PAFAH1B1: variants seen among roughly 807,000 people sequenced by gnomAD.
PAFAH1B1 encodes platelet-activating factor acetylhydrolase IB subunit beta.
Under a neutral mutation model 57.5 loss-of-function variants are expected in PAFAH1B1, and 2 were observed. That is an observed-to-expected ratio of 0.03 (90% CI 0.01 to 0.11). The LOEUF (loss-of-function observed/expected upper bound fraction) is 0.11. PAFAH1B1 is among the 10% of genes least tolerant of loss of function. The pLI, the probability that PAFAH1B1 is intolerant of heterozygous loss-of-function variation, is 1.00. For missense variants in PAFAH1B1, 257 were observed against 512.0 expected, an observed-to-expected ratio of 0.50 and a Z score of 4.81; for synonymous variants, 152 against 169.6, an observed-to-expected ratio of 0.90 and a Z score of 0.81.
intron 1 of PAFAH1B1, among the ~76,000 whole-genome samples, chr17:2,626,616 G>A (rs906449635): frequency 9.4e-5 from 13 of 138,430 alleles, no homozygotes; most frequent in Non-Finnish European, 1.2e-4. Flanking sequence ...GTGCAGTGGC[G>A]CGATCTTGGC....
At chr17:2,680,732 A>G (rs1034729433) in intron 10 of PAFAH1B1, 5 of 278,072 alleles carry the variant, frequency 1.8e-5, no homozygotes, top group Admixed American at 5.1e-5. Context: ...CATCCTCACT[A>G]TCATCTGGAC....
chr17:2,612,059 A>G (rs1321632670), intron 1 of PAFAH1B1, among the ~76,000 whole-genome samples: 3 of 152,112 alleles, frequency 2.0e-5, no homozygotes, highest in Non-Finnish European at 4.4e-5. Flanking sequence ...CATTATTGGC[A>G]GTTTTTAATG....
At chr17:2,612,011 A>G (rs1198730003) in intron 1 of PAFAH1B1, among the ~76,000 whole-genome samples, 1 of 152,158 alleles carries the variant, frequency 6.6e-6, no homozygotes, top group Non-Finnish European at 1.5e-5. Flanking sequence ...AGGCTTGCTA[A>G]TGATGTTTAA....
At chr17:2,653,660 AAAAC>A (rs2068897492) in intron 2 of PAFAH1B1, among the ~76,000 whole-genome samples, 1 of 152,196 alleles carries the variant, frequency 6.6e-6, no homozygotes, top group Non-Finnish European at 1.5e-5. Flanking sequence ...TAGGGCAACA[AAAAC>A]AAAGTACACG....
chr17:2,600,584 A>C (rs1231070389), intron 1 of PAFAH1B1, among the ~76,000 whole-genome samples: 1 of 151,274 alleles, frequency 6.6e-6, no homozygotes, highest in Non-Finnish European at 1.5e-5. Flanking sequence ...AAAAAAAAAA[A>C]AACCAAAAAA....
intron 5 of PAFAH1B1, among the ~76,000 whole-genome samples, chr17:2,669,659 TGAG>T (rs1484471868): frequency 1.3e-5 from 2 of 152,254 alleles, no homozygotes; most frequent in Non-Finnish European, 2.9e-5. Context: ...TTTAGATGTC[TGAG>T]TTCTGATGGT....
chr17:2,642,021 G>A lies in PAFAH1B1; in HGVS notation c.32+3701G>A, dbSNP rs537662690. On this transcript the variant is annotated intron_variant, in intron 2 of 10. Transcript: ENST00000397195. ...ACAAAGAAAATTATCTCCAGACATT[G>A]CCAGTGTCACCAGTTGAAAACTACT... 3 of 152,124 alleles carry A rather than the reference G, an allele frequency of 2.0e-5. No individual in the cohort carries two copies. The South Asian group carries it at 6.2e-4, about 32-fold the overall frequency. The allele number at this position is 152,124 out of a possible 1,614,324, so 9.4% of individuals were successfully genotyped here.
intron 1 of PAFAH1B1, chr17:2,613,533 C>G: frequency 3.8e-6 from 1 of 263,288 alleles, no homozygotes; most frequent in Non-Finnish European, 7.7e-6. Flanking sequence ...GCCACCTGGG[C>G]CTGGGTCTTG....
rs546081515 is a variant in PAFAH1B1 at position 2,648,780 on chromosome 17, A to G, written c.32+10460A>G. Among the ~76,000 whole-genome samples the G allele has an allele frequency of 2.6e-5, 4 of 151,956 alleles. No homozygotes were observed. In the South Asian group the frequency reaches 8.3e-4, roughly 32 times the overall value. On this transcript the variant is annotated intron_variant, in intron 2 of 10. Transcript: ENST00000397195. ...GATGGTTAAAAAAAAAAAACCCTGT[A>G]GAAAATAACAGGATATTTTCTTAAC...
At chr17:2,598,213 C>T (rs1397099219) in intron 1 of PAFAH1B1, among the ~76,000 whole-genome samples, 1 of 152,018 alleles carries the variant, frequency 6.6e-6, no homozygotes, top group Non-Finnish European at 1.5e-5. Flanking sequence ...CGCACCATTA[C>T]GCTCCAGCCT....
intron 2 of PAFAH1B1, among the ~76,000 whole-genome samples, chr17:2,644,231 T>C (rs965615851): frequency 1.3e-5 from 2 of 152,010 alleles, no homozygotes; most frequent in Non-Finnish European, 2.9e-5. Flanking sequence ...ATAAAGTTTT[T>C]CCTTATTTTT....
At chr17:2,597,467 G>C (rs1242435996) in intron 1 of PAFAH1B1, among the ~76,000 whole-genome samples, 1 of 137,012 alleles carries the variant, frequency 7.3e-6, no homozygotes, top group African/African-American at 2.8e-5. Context: ...CTAGAGTGCA[G>C]TGGGGTGATC....
intron 1 of PAFAH1B1, among the ~76,000 whole-genome samples, chr17:2,632,030 C>T (rs1306280180): frequency 1.3e-5 from 2 of 152,310 alleles, no homozygotes; most frequent in East Asian, 3.9e-4. Flanking sequence ...CTCTCTTATT[C>T]ACTGTCATTA....
chr17:2,673,022 C>T lies in PAFAH1B1; in HGVS notation c.671+265C>T, dbSNP rs755024707. 2.6e-5 allele frequency among the ~76,000 whole-genome samples: 4 copies of T among 151,848 alleles called. No individual in the cohort carries two copies. In the South Asian group the frequency reaches 6.2e-4, roughly 24 times the overall value. ...GGTGGAGGTTGCAGTGAGCCGAGAT[C>T]GTGCCATTGCACTCTAGCCTGGGCA... On this transcript the variant is annotated intron_variant, in intron 7 of 10. Transcript: ENST00000397195.
intron 1 of PAFAH1B1, among the ~76,000 whole-genome samples, chr17:2,601,661 T>C (rs532185370): frequency 2.0e-5 from 3 of 152,242 alleles, no homozygotes; most frequent in Non-Finnish European, 2.9e-5. Flanking sequence ...AGGCAGGCCT[T>C]GAACTCCTGA....
chr17:2,601,699 C>T (rs976781108), intron 1 of PAFAH1B1, among the ~76,000 whole-genome samples: 3 of 152,132 alleles, frequency 2.0e-5, no homozygotes, highest in East Asian at 3.9e-4. Context: ...GCCTCGGCCC[C>T]GCAAAGTGCT....
intron 2 of PAFAH1B1, 101 bp downstream of exon 2, chr17:2,638,421 T>C (rs1460636239): frequency 1.1e-6 from 1 of 923,856 alleles, no homozygotes; most frequent in African/African-American, 1.6e-5. Context: ...AGATTAAAAC[T>C]ATTTTTACCA....
chr17:2,593,799 G>A lies in PAFAH1B1; in HGVS notation c.-398G>A, dbSNP rs1490274231. 2.5e-6 allele frequency: 1 copy of A among 393,916 alleles called. No individual in the cohort carries two copies. The highest frequency in any genetic ancestry group is 4.4e-5 in the Admixed American group (1 of 22,532). 24.4% of individuals were successfully genotyped at this position (393,916 alleles called of 1,614,324 possible). A position where few individuals can be genotyped will look rare whatever the true frequency, so the allele number is the denominator to read the frequency against. On this transcript the variant is annotated 5_prime_UTR_variant, in exon 1 of 11. Transcript: ENST00000397195. ...GGCGCGAGCGAGAGAAACCGCGAGC[G>A]CCGAGCTTGGACTCGAGCCCCGGAA...
At chr17:2,677,698 C>G (rs1406058895) in intron 9 of PAFAH1B1, among the ~76,000 whole-genome samples, 3 of 151,036 alleles carry the variant, frequency 2.0e-5, no homozygotes, top group Admixed American at 6.6e-5. Flanking sequence ...ACTAAAAATA[C>G]AAAAAATTAG....
Sources: gnomAD v4.1 joint callset for allele counts (sites outside exome capture counted in the v4.1 genomes callset) on GRCh38, gnomAD v4.1.1 for gene constraint, MANE v1.5 for transcripts, NCBI Gene and HGNC (gene_info 2026-07-23, HGNC 2026-07-21) for gene names.